PAPPA: variants seen among roughly 807,000 people sequenced by gnomAD.
PAPPA encodes pappalysin 1.
A neutral mutation model predicts 164.0 loss-of-function variants in PAPPA; 60 were observed. The ratio of observed to expected loss-of-function variants is 0.37; its 90% CI spans 0.30 to 0.45. The LOEUF (loss-of-function observed/expected upper bound fraction) is 0.45. PAPPA is among the 20% of genes least tolerant of loss of function. The pLI is 1.00. For synonymous variants in PAPPA, 875 were observed against 814.1 expected, an observed-to-expected ratio of 1.07 and a Z score of -1.27; for missense variants, 1,782 against 2,087.3, an observed-to-expected ratio of 0.85 and a Z score of 2.85.
At chr9:116,178,305 A>G (rs533774186) in intron 1 of PAPPA, among the ~76,000 whole-genome samples, 1 of 152,188 alleles carries the variant, frequency 6.6e-6, no homozygotes, top group South Asian at 2.1e-4. Context: ...ACAGGGTTTC[A>G]TCATGTTGGC....
intron 3 of PAPPA, among the ~76,000 whole-genome samples, chr9:116,210,076 G>A (rs879504748): frequency 4.6e-5 from 7 of 152,004 alleles, no homozygotes; most frequent in East Asian, 1.9e-4. Context: ...GGTGGGAAGC[G>A]GATTATGTTT....
At chr9:116,246,371 T>C (rs2118769605) in intron 7 of PAPPA, among the ~76,000 whole-genome samples, 1 of 152,328 alleles carries the variant, frequency 6.6e-6, no homozygotes, top group East Asian at 1.9e-4. Context: ...GTGTAATAAT[T>C]ATATCCATCA....
chr9:116,335,098 C>A (rs755508860), intron 13 of PAPPA, 24 bp downstream of exon 13: 2 of 1,582,746 alleles, frequency 1.3e-6, no homozygotes, highest in Non-Finnish European at 1.7e-6. Context: ...GGCAGACTCG[C>A]CCTAGGCCAC....
chr9:116,266,435 A>G (rs1845068701), intron 8 of PAPPA, among the ~76,000 whole-genome samples: 1 of 152,252 alleles, frequency 6.6e-6, no homozygotes, highest in Non-Finnish European at 1.5e-5. Flanking sequence ...CTATTGTATC[A>G]TATTATACAA....
intron 21 of PAPPA, among the ~76,000 whole-genome samples, chr9:116,385,266 TAAATAAATAAATA>T (rs1414543764): frequency 1.2e-5 from 1 of 84,128 alleles, no homozygotes; most frequent in Non-Finnish European, 2.3e-5. Context: ...AATAAATAAA[TAAATAAATAAATA>T]AATAATAATT....
At chr9:116,156,348 G>GTGTATATATATATATATATATATGTA in intron 1 of PAPPA, among the ~76,000 whole-genome samples, 1 of 117,108 alleles carries the variant, frequency 8.5e-6, no homozygotes, top group South Asian at 2.5e-4. Context: ...ATATATATAT[G>GTGTATATATATATATATATATATGTA]TATATATATA....
chr9:116,167,004 A>G (rs1470850172), intron 1 of PAPPA, among the ~76,000 whole-genome samples: 2 of 152,250 alleles, frequency 1.3e-5, no homozygotes, highest in Non-Finnish European at 2.9e-5. Context: ...AAAAATCTGA[A>G]TGAACATTAT....
intron 9 of PAPPA, among the ~76,000 whole-genome samples, chr9:116,277,876 C>T (rs1403468281): frequency 2.0e-5 from 3 of 152,156 alleles, no homozygotes; most frequent in African/African-American, 4.8e-5. Flanking sequence ...CCATGTCGGA[C>T]AGGCTAGTCT....
chr9:116,231,663 ATG>A (rs1844593977), intron 6 of PAPPA, among the ~76,000 whole-genome samples: 3 of 158 alleles, frequency 0.019, no homozygotes, highest in Non-Finnish European at 0.035. Flanking sequence ...GAATGGGCGG[ATG>A]GATGGATGGA....
chr9:116,226,878 C>T (rs1205232791), intron 5 of PAPPA, among the ~76,000 whole-genome samples: 1 of 152,186 alleles, frequency 6.6e-6, no homozygotes, highest in African/African-American at 2.4e-5. Context: ...ACTGTAAAAT[C>T]GAGGAGTGAC....
At chr9:116,218,956 G>A (rs948979710) in intron 4 of PAPPA, among the ~76,000 whole-genome samples, 2 of 152,220 alleles carry the variant, frequency 1.3e-5, no homozygotes, top group African/African-American at 4.8e-5. Context: ...ACCAATGGCA[G>A]CATGGAGTGG....
At chr9:116,319,681 T>C (rs1400461474) in intron 10 of PAPPA, among the ~76,000 whole-genome samples, 6 of 152,092 alleles carry the variant, frequency 3.9e-5, no homozygotes, top group Non-Finnish European at 7.4e-5. Flanking sequence ...CTCAGTTTTC[T>C]CATCTGCAGA....
chr9:116,211,520 G>C, intron 3 of PAPPA, 119 bp from the exon 4 acceptor site: 1 of 791,216 alleles, frequency 1.3e-6, no homozygotes, highest in Non-Finnish European at 2.1e-6. Context: ...TGGAGTCCTA[G>C]GGTGGAGAAG....
chr9:116,331,392 G>T (rs766530846), intron 11 of PAPPA, 35 bp downstream of exon 11: 1 of 1,269,058 alleles, frequency 7.9e-7, no homozygotes, highest in Non-Finnish European at 1.2e-6. Context: ...GGAATCTCCA[G>T]CAGCGAGCCA....
intron 8 of PAPPA, among the ~76,000 whole-genome samples, chr9:116,267,748 G>C (rs914253882): frequency 6.6e-6 from 1 of 151,700 alleles, no homozygotes; most frequent in Non-Finnish European, 1.5e-5. Flanking sequence ...GGTGGCGGGC[G>C]CCTGTAGTCC....
chr9:116,218,898 CA>C (rs1844408494), intron 4 of PAPPA, among the ~76,000 whole-genome samples: 1 of 152,224 alleles, frequency 6.6e-6, no homozygotes, highest in Non-Finnish European at 1.5e-5. Flanking sequence ...GTGCGTACTC[CA>C]AAACTCCAGA....
At chr9:116,176,091 G>A (rs1308871814) in intron 1 of PAPPA, among the ~76,000 whole-genome samples, 1 of 152,188 alleles carries the variant, frequency 6.6e-6, no homozygotes, top group Non-Finnish European at 1.5e-5. Context: ...AAGACTGAAG[G>A]TCTACTGGAA....
At chr9:116,232,533 G>C in intron 6 of PAPPA, among the ~76,000 whole-genome samples, 1 of 152,176 alleles carries the variant, frequency 6.6e-6, no homozygotes, top group East Asian at 1.9e-4. Flanking sequence ...CTCCCTGCCA[G>C]GGAATTTCTG....
intron 17 of PAPPA, among the ~76,000 whole-genome samples, chr9:116,354,447 T>C (rs1846325893): frequency 6.6e-6 from 1 of 152,100 alleles, no homozygotes; most frequent in African/African-American, 2.4e-5. Flanking sequence ...CCATGCAGAG[T>C]TGATAACCCA....
Sources: allele counts gnomAD v4.1 joint callset (sites outside exome capture counted in the v4.1 genomes callset), GRCh38; gene constraint gnomAD v4.1.1; transcripts MANE v1.5; gene names NCBI Gene and HGNC (gene_info 2026-07-23, HGNC 2026-07-21).